NAALADL2: variants seen among roughly 807,000 people sequenced by gnomAD.
NAALADL2 encodes inactive N-acetylated-alpha-linked acidic dipeptidase-like protein 2.
In NAALADL2, 76 loss-of-function variants were observed where a neutral mutation model predicts 87.2. That is an observed-to-expected ratio of 0.87 (90% CI 0.72 to 1.05). The LOEUF (loss-of-function observed/expected upper bound fraction) is 1.05. NAALADL2 is among the 50% of genes least tolerant of loss of function. The probability of loss-of-function intolerance (pLI) is 0.00; values close to 1 mark genes in which losing one functional copy is unlikely to be tolerated. For missense variants in NAALADL2, 1,089 were observed against 945.8 expected (o/e 1.15, Z -1.99); for synonymous variants, 354 against 331.0 (o/e 1.07, Z -0.75).
chr3:174,904,580 CAAAT>C (rs67779479), intron 1 of NAALADL2, among the ~76,000 whole-genome samples: 54,424 of 151,210 alleles, frequency 0.36, 10,555 homozygotes, highest in African/African-American at 0.52. Context: ...TACTAACAAT[CAAAT>C]AATAGTAAAA....
chr3:174,906,109 C>T (rs1348776948), intron 1 of NAALADL2, among the ~76,000 whole-genome samples: 1 of 152,006 alleles, frequency 6.6e-6, no homozygotes, highest in Non-Finnish European at 1.5e-5. Context: ...ACAAAACAAA[C>T]TGTTCAGGAC....
intron 3 of NAALADL2, among the ~76,000 whole-genome samples, chr3:175,246,508 A>G (rs1469011273): frequency 6.6e-6 from 1 of 152,198 alleles, no homozygotes; most frequent in Admixed American, 6.5e-5. Flanking sequence ...TAATCATTTC[A>G]TACACATGAA....
intron 1 of NAALADL2, among the ~76,000 whole-genome samples, chr3:175,094,757 A>AGTGTGTGT (rs369083345): frequency 0.091 from 11,405 of 125,804 alleles, 504 homozygotes; most frequent in Middle Eastern, 0.17. Context: ...CAGACACTAT[A>AGTGTGTGT]GTGTGTGTGT....
chr3:175,362,211 G>A (rs1232926026), intron 5 of NAALADL2, among the ~76,000 whole-genome samples: 6 of 148,002 alleles, frequency 4.1e-5, no homozygotes, highest in Non-Finnish European at 6.0e-5. Context: ...GCTCTGTTCT[G>A]TTCCATTGGT....
chr3:174,976,964 C>T (rs1459568330), intron 1 of NAALADL2, among the ~76,000 whole-genome samples: 1 of 152,126 alleles, frequency 6.6e-6, no homozygotes, highest in South Asian at 2.1e-4. Context: ...TTACCAGAAT[C>T]TTGGGGCAGC....
intron 5 of NAALADL2, among the ~76,000 whole-genome samples, chr3:175,424,431 T>C (rs1182202913): frequency 6.6e-6 from 1 of 152,190 alleles, no homozygotes; most frequent in Non-Finnish European, 1.5e-5. Context: ...GAATTAATTT[T>C]TGTATAAGGT....
intron 1 of NAALADL2, among the ~76,000 whole-genome samples, chr3:174,486,365 T>C (rs1257402932): frequency 6.6e-6 from 1 of 152,122 alleles, no homozygotes; most frequent in East Asian, 1.9e-4. Context: ...TGTGAGACCC[T>C]GATAGAGCTC....
chr3:175,766,499 A>G (rs917851820), intron 13 of NAALADL2, among the ~76,000 whole-genome samples: 56 of 152,204 alleles, frequency 3.7e-4, no homozygotes, highest in African/African-American at 1.3e-3. Flanking sequence ...TGAAGTATTC[A>G]TAACTAATAC....
chr3:174,451,710 G>A (rs996570008), intron 1 of NAALADL2, among the ~76,000 whole-genome samples: 18 of 152,034 alleles, frequency 1.2e-4, no homozygotes, highest in African/African-American at 4.1e-4. Context: ...TGGAGGTAGT[G>A]AAAAAGAATC....
chr3:174,683,864 A>C (rs1418198921), intron 2 of NAALADL2, among the ~76,000 whole-genome samples: 2 of 152,094 alleles, frequency 1.3e-5, no homozygotes, highest in African/African-American at 4.8e-5. Context: ...CTATTTTTTC[A>C]GAGCTACAGA....
intron 3 of NAALADL2, among the ~76,000 whole-genome samples, chr3:174,804,895 C>T (rs1267450074): frequency 6.6e-6 from 1 of 151,980 alleles, no homozygotes; most frequent in Non-Finnish European, 1.5e-5. Flanking sequence ...ATCTAATTTG[C>T]CTTAGATTTT....
intron 2 of NAALADL2, among the ~76,000 whole-genome samples, chr3:175,145,003 C>T (rs1730549667): frequency 6.6e-6 from 1 of 151,930 alleles, no homozygotes; most frequent in South Asian, 2.1e-4. Flanking sequence ...TCTTTATTCA[C>T]CACCATGTTC....
chr3:174,631,559 G>A (rs140567990), intron 2 of NAALADL2, among the ~76,000 whole-genome samples: 13 of 152,300 alleles, frequency 8.5e-5, no homozygotes, highest in African/African-American at 2.2e-4. Context: ...GTGGGTATAT[G>A]TGTTGGTGTA....
intron 1 of NAALADL2, among the ~76,000 whole-genome samples, chr3:174,492,034 C>G (rs1247494405): frequency 6.6e-6 from 1 of 152,056 alleles, no homozygotes; most frequent in African/African-American, 2.4e-5. Context: ...CTTTAGGAGG[C>G]CAAGGTGGGT....
chr3:175,536,052 T>C (rs1269237606), intron 9 of NAALADL2, among the ~76,000 whole-genome samples: 1 of 152,196 alleles, frequency 6.6e-6, no homozygotes, highest in Non-Finnish European at 1.5e-5. Flanking sequence ...TTTTGCACTG[T>C]TCACAACCAT....
At chr3:175,098,273 A>T (rs1580430724) in intron 2 of NAALADL2, among the ~76,000 whole-genome samples, 2 of 152,138 alleles carry the variant, frequency 1.3e-5, no homozygotes, top group East Asian at 3.9e-4. Context: ...TTGAGCTAAA[A>T]GATATGCTGT....
intron 2 of NAALADL2, among the ~76,000 whole-genome samples, chr3:175,211,494 A>G (rs1386930873): frequency 1.3e-5 from 2 of 151,948 alleles, no homozygotes; most frequent in Non-Finnish European, 2.9e-5. Context: ...ACATGCCTCT[A>G]TTTTATACTA....
intron 1 of NAALADL2, among the ~76,000 whole-genome samples, chr3:174,456,853 GCAAA>G (rs1332986609): frequency 1.3e-5 from 2 of 151,788 alleles, no homozygotes; most frequent in Non-Finnish European, 2.9e-5. Context: ...TGCAGCAAAA[GCAAA>G]AAAGTGACAA....
intron 1 of NAALADL2, among the ~76,000 whole-genome samples, chr3:174,906,182 C>G (rs1404309903): frequency 6.6e-6 from 1 of 152,012 alleles, no homozygotes; most frequent in South Asian, 2.1e-4. Context: ...TCTTTTAGAA[C>G]TATAAAAGAA....
Sources: gnomAD v4.1 joint callset for allele counts (sites outside exome capture counted in the v4.1 genomes callset) on GRCh38, gnomAD v4.1.1 for gene constraint, MANE v1.5 for transcripts, NCBI Gene and HGNC (gene_info 2026-07-23, HGNC 2026-07-21) for gene names.